The following SLC8A1 variants were observed in gnomAD, a reference collection of about 807,000 sequenced individuals.
The protein encoded by SLC8A1 is sodium/calcium exchanger 1.
Under a neutral mutation model 68.3 loss-of-function variants are expected in SLC8A1, and 18 were observed. The observed-to-expected ratio is 0.26, with a 90% CI of 0.18 to 0.39. The LOEUF is 0.39. Ranked by LOEUF, SLC8A1 falls within the 10% of genes least tolerant of loss-of-function variation. The pLI is 1.00. For synonymous variants in SLC8A1, 475 were observed against 415.5 expected, an observed-to-expected ratio of 1.14 and a Z score of -1.74; for missense variants, 985 against 1,156.7, an observed-to-expected ratio of 0.85 and a Z score of 2.15.
At chr2:40,229,796 T>C (rs1442821393) in intron 2 of SLC8A1, among the ~76,000 whole-genome samples, 2 of 152,186 alleles carry the variant, frequency 1.3e-5, no homozygotes, top group African/African-American at 2.4e-5. Flanking sequence ...ATTGTGTGCT[T>C]GGTTCTTTAA....
intron 2 of SLC8A1, among the ~76,000 whole-genome samples, chr2:40,304,164 G>T (rs6729445): frequency 0.016 from 2,489 of 152,234 alleles, 64 homozygotes; most frequent in African/African-American, 0.057. Context: ...TGTTTTAATG[G>T]TAACTACAGA....
intron 2 of SLC8A1, among the ~76,000 whole-genome samples, chr2:40,225,286 G>A (rs1292918783): frequency 1.3e-5 from 2 of 152,110 alleles, no homozygotes; most frequent in Admixed American, 1.3e-4. Flanking sequence ...TATTTGTATA[G>A]TGGAAATGAT....
intron 2 of SLC8A1, among the ~76,000 whole-genome samples, chr2:40,202,333 T>A (rs2054540384): frequency 6.6e-6 from 1 of 152,016 alleles, no homozygotes. Flanking sequence ...CACAAAGCTA[T>A]CTGTGATTTA....
intron 4 of SLC8A1, among the ~76,000 whole-genome samples, chr2:40,167,964 T>C (rs756308409): frequency 2.0e-5 from 3 of 152,160 alleles, no homozygotes; most frequent in Non-Finnish European, 4.4e-5. Flanking sequence ...TTACAATATA[T>C]GGAATATAGT....
At chr2:40,494,135 A>T (rs895888589) in intron 1 of SLC8A1, among the ~76,000 whole-genome samples, 2 of 152,018 alleles carry the variant, frequency 1.3e-5, no homozygotes, top group Non-Finnish European at 2.9e-5. Flanking sequence ...TAATAATCAT[A>T]ATAATAAACT....
intron 2 of SLC8A1, among the ~76,000 whole-genome samples, chr2:40,417,535 G>A (rs372675590): frequency 6.6e-6 from 1 of 152,018 alleles, no homozygotes; most frequent in South Asian, 2.1e-4. Context: ...CTGAGACAAG[G>A]TCTCGCTCTG....
At chr2:40,289,529 A>G (rs2149223371) in intron 2 of SLC8A1, among the ~76,000 whole-genome samples, 2 of 152,248 alleles carry the variant, frequency 1.3e-5, no homozygotes, top group Middle Eastern at 6.8e-3. Context: ...TTGGTTCCCT[A>G]GAAAGGTAAC....
intron 1 of SLC8A1, among the ~76,000 whole-genome samples, chr2:40,449,067 TCTCCTTCTTATCTATATA>T (rs1469768959): frequency 2.6e-5 from 4 of 151,014 alleles, no homozygotes; most frequent in African/African-American, 9.7e-5. Flanking sequence ...TTTAGGGCAG[TCTCCTTCTTATCTATATA>T]CTATCCTCCC....
upstream of SLC8A1, among the ~76,000 whole-genome samples, chr2:40,454,022 A>G (rs1458333043): frequency 6.6e-6 from 1 of 152,188 alleles, no homozygotes; most frequent in Admixed American, 6.5e-5. Flanking sequence ...GTTAGACTAC[A>G]CTTACTAGTG....
At chr2:40,185,517 G>T (rs7602342) in intron 2 of SLC8A1, among the ~76,000 whole-genome samples, 19,284 of 152,124 alleles carry the variant, frequency 0.13, 1,337 homozygotes, top group African/African-American at 0.16. Flanking sequence ...GTGATTACAT[G>T]TTATAGGAAA....
chr2:40,418,855 A>T (rs1443293710), intron 2 of SLC8A1, among the ~76,000 whole-genome samples: 2 of 152,136 alleles, frequency 1.3e-5, no homozygotes, highest in East Asian at 3.9e-4. Context: ...AGAGCCCTGT[A>T]GTTTTCTTCT....
chr2:40,423,165 A>T (rs2149756075), intron 2 of SLC8A1, among the ~76,000 whole-genome samples: 1 of 152,184 alleles, frequency 6.6e-6, no homozygotes, highest in African/African-American at 2.4e-5. Context: ...CCTTTCATTA[A>T]TTTTGATAAT....
chr2:40,225,613 A>G lies in SLC8A1; in HGVS notation c.1809-47758T>C, dbSNP rs2058873761. Among the ~76,000 whole-genome samples the G allele has an allele frequency of 4.6e-5, 7 of 152,172 alleles. No homozygotes were observed. In the South Asian group the frequency reaches 1.4e-3, roughly 31 times the overall value. On this transcript the variant is annotated intron_variant, in intron 2 of 7. Transcript: ENST00000406785. Reference sequence around the variant, plus strand: ...TGCCTAATTTCTGTGTAAAGGGCTCACGATGGAAATCAGGTTAAAACAAGG... The same window carrying G: ...TGCCTAATTTCTGTGTAAAGGGCTCGCGATGGAAATCAGGTTAAAACAAGG...
intron 6 of SLC8A1, among the ~76,000 whole-genome samples, chr2:40,152,237 T>A (rs2043571132): frequency 6.6e-6 from 1 of 152,218 alleles, no homozygotes. Context: ...GAATCTTTTG[T>A]ATCACTCTCT....
chr2:40,139,728 T>G (rs779201131), intron 6 of SLC8A1, 52 bp from the exon 10 acceptor site: 3 of 1,571,110 alleles, frequency 1.9e-6, no homozygotes, highest in Admixed American at 1.7e-5. Context: ...TTGCCGGGTC[T>G]TCCTCTCTCT....
chr2:40,415,995 G>T (rs1403335680), intron 2 of SLC8A1, among the ~76,000 whole-genome samples: 9 of 149,942 alleles, frequency 6.0e-5, no homozygotes, highest in African/African-American at 2.0e-4. Flanking sequence ...CCGGGAGGCG[G>T]AGCTGAGATC....
intron 6 of SLC8A1, among the ~76,000 whole-genome samples, chr2:40,153,043 C>G (rs542276538): frequency 6.6e-6 from 1 of 152,110 alleles, no homozygotes; most frequent in South Asian, 2.1e-4. Context: ...CAGTACATTT[C>G]AAACCGAGAA....
chr2:40,176,458 T>G (rs1419020747), intron 3 of SLC8A1, among the ~76,000 whole-genome samples: 2 of 152,152 alleles, frequency 1.3e-5, no homozygotes, highest in Admixed American at 1.3e-4. Context: ...GATCCCATCT[T>G]TTAAGAAATC....
intron 2 of SLC8A1, among the ~76,000 whole-genome samples, chr2:40,408,482 AT>A (rs1691076700): frequency 6.6e-6 from 1 of 152,214 alleles, no homozygotes. Flanking sequence ...ACCACAGGAA[AT>A]TTTGGCACTT....
Sources: allele counts gnomAD v4.1 joint callset (sites outside exome capture counted in the v4.1 genomes callset), GRCh38; gene constraint gnomAD v4.1.1; transcripts MANE v1.5; gene names NCBI Gene and HGNC (gene_info 2026-07-23, HGNC 2026-07-21).